The following CUBN variants were observed in gnomAD, a reference collection of about 807,000 sequenced individuals.
CUBN encodes the protein 460 kDa receptor.
A neutral mutation model predicts 405.3 loss-of-function variants in CUBN; 282 were observed. The observed-to-expected ratio is 0.70, with a 90% CI of 0.63 to 0.77. The LOEUF is 0.77. CUBN is among the 30% of genes least tolerant of loss of function. The pLI is 0.00. For missense variants in CUBN, 4,514 were observed against 4,475.2 expected, an observed-to-expected ratio of 1.01 and a Z score of -0.25; for synonymous variants, 1,684 against 1,617.0, an observed-to-expected ratio of 1.04 and a Z score of -0.99.
intron 10 of CUBN, among the ~76,000 whole-genome samples, chr10:17,108,328 C>T (rs1027213988): frequency 6.6e-6 from 1 of 152,040 alleles, no homozygotes; most frequent in African/African-American, 2.4e-5. Context: ...AATCATGCTC[C>T]TAACCACTTT....
chr10:16,844,857 T>A (rs538670885), intron 60 of CUBN, among the ~76,000 whole-genome samples: 2 of 152,204 alleles, frequency 1.3e-5, no homozygotes, highest in East Asian at 3.9e-4. Flanking sequence ...GAATCATATA[T>A]AAACTGGGAT....
intron 28 of CUBN, among the ~76,000 whole-genome samples, chr10:17,018,290 G>C (rs1197119494): frequency 2.0e-5 from 3 of 152,142 alleles, no homozygotes; most frequent in Non-Finnish European, 2.9e-5. Flanking sequence ...GTCCCATCTG[G>C]GTCACCAAAA....
intron 27 of CUBN, among the ~76,000 whole-genome samples, chr10:17,038,613 G>A (rs1834948646): frequency 6.6e-6 from 1 of 152,166 alleles, no homozygotes; most frequent in Admixed American, 6.5e-5. Flanking sequence ...CAGGCATCCA[G>A]TTGGGATTTG....
At position 16,918,763 on chromosome 10, in the gene CUBN, C is replaced by T. The variant is rs1344241063; in HGVS notation, c.6859G>A (p.Asp2287Asn). The T allele has an allele frequency of 6.2e-7, 1 of 1,613,730 alleles. No individual in the cohort carries two copies. The highest frequency in any genetic ancestry group is 1.3e-5 in the African/African-American group (1 of 74,878). ...SNYLELRDGVDSDAPILSKFC... is the reference protein window; with the variant it reads ...SNYLELRDGVNSDAPILSKFC... Reference sequence around the variant, plus strand: ...TTGGAAAGTATTGGTGCATCCGAATCCACTCCATCCCGCAACTCAAGGTAG... The same window carrying T: ...TTGGAAAGTATTGGTGCATCCGAATTCACTCCATCCCGCAACTCAAGGTAG... The change falls in exon 45 of 67, where the codon GAT becomes AAT. Residue 2287 changes from aspartate (D) to asparagine (N), a missense_variant. By Grantham distance (23) the Asp-to-Asn change is conservative (BLOSUM62 1). Transcript: ENST00000377833.
At chr10:16,909,872 G>C (rs536294218) in intron 48 of CUBN, among the ~76,000 whole-genome samples, 10 of 152,328 alleles carry the variant, frequency 6.6e-5, no homozygotes, top group African/African-American at 2.4e-4. Context: ...AGGACACACT[G>C]GGTGGCATAG....
intron 43 of CUBN, among the ~76,000 whole-genome samples, chr10:16,920,855 C>G (rs1470931340): frequency 1.3e-5 from 2 of 152,208 alleles, no homozygotes; most frequent in African/African-American, 4.8e-5. Flanking sequence ...CATACTTGAT[C>G]TGCTCAACTC....
intron 56 of CUBN, among the ~76,000 whole-genome samples, chr10:16,886,672 C>A (rs1840826371): frequency 6.6e-6 from 1 of 152,146 alleles, no homozygotes; most frequent in Admixed American, 6.5e-5. Context: ...ACACAGAGGG[C>A]ACTTGTGGCC....
chr10:17,016,254 T>C (rs2131774759), intron 28 of CUBN, among the ~76,000 whole-genome samples: 1 of 152,218 alleles, frequency 6.6e-6, no homozygotes, highest in African/African-American at 2.4e-5. Flanking sequence ...CTAATTCTCC[T>C]TAGTCCTTCT....
At position 16,940,057 on chromosome 10, in the gene CUBN, C is replaced by T. The variant is rs767515084; in HGVS notation, c.5523G>A (p.Thr1841=). The stretch of plus-strand genomic sequence containing the variant: ...TCTTCATAAATGTGGCCTGGAAGCC[C>T]GTGCCGCTGCCAGAACCATCTGAGA... ...RFISDGSGSG[T]GFQATFMKIF... Residue 1841 remains threonine (T), a synonymous_variant, in exon 37 of 67, where the codon ACG becomes ACA. Transcript: ENST00000377833. 1.5e-5 allele frequency: 24 copies of T among 1,613,928 alleles called. No homozygotes were observed. The East Asian group carries it at 2.2e-4, about 15-fold the overall frequency.
In CUBN at chr10:17,008,826, G is replaced by A. The variant is rs566900558; in HGVS notation, c.4168+11007C>T. 9.9e-5 allele frequency among the ~76,000 whole-genome samples: 15 copies of A among 152,256 alleles called. 1 individual carries two copies. The South Asian group carries it at 3.1e-3, about 32-fold the overall frequency. On this transcript the variant is annotated intron_variant, in intron 28 of 66. Coordinates refer to ENST00000377833, the MANE Select transcript of CUBN (RefSeq NM_001081.4). ...TTCTCCCACCTAGCCTAGCTCTGTA[G>A]AGTAGAAACCAGGCCTGCTGGTCTG...
chr10:17,048,772 A>AAAT (rs1256712045), intron 22 of CUBN, among the ~76,000 whole-genome samples: 17 of 152,062 alleles, frequency 1.1e-4, no homozygotes, highest in South Asian at 4.2e-4. Flanking sequence ...TTGTGAGTCA[A>AAAT]AATAATAATA....
chr10:17,042,477 G>A (rs1405041568), intron 26 of CUBN, among the ~76,000 whole-genome samples: 6 of 151,890 alleles, frequency 4.0e-5, no homozygotes, highest in Non-Finnish European at 8.8e-5. Flanking sequence ...TGCCTCTTAT[G>A]TGCACTCATT....
chr10:16,990,595 G>A, intron 28 of CUBN, 80 bp from the exon 29 acceptor site: 2 of 1,271,316 alleles, frequency 1.6e-6, no homozygotes, highest in Non-Finnish European at 2.3e-6. Flanking sequence ...CTCACCGAAA[G>A]GCCATCAAAA....
intron 31 of CUBN, among the ~76,000 whole-genome samples, chr10:16,974,539 C>T (rs11254309): frequency 0.46 from 70,010 of 151,438 alleles, 16,493 homozygotes; most frequent in Non-Finnish European, 0.5. Context: ...TGCCTGGCTG[C>T]TTTTTATATT....
At chr10:16,999,267 G>T (rs146060723) in intron 28 of CUBN, among the ~76,000 whole-genome samples, 1 of 152,278 alleles carries the variant, frequency 6.6e-6, no homozygotes, top group East Asian at 1.9e-4. Context: ...CATCATCAAA[G>T]AGAAAGAAAT....
chr10:17,028,388 C>T lies in CUBN; in HGVS notation c.4018-8405G>A, dbSNP rs146943068. Among the ~76,000 whole-genome samples the T allele has an allele frequency of 5.6e-3, 858 of 151,972 alleles. 7 individuals carry two copies. The highest frequency in any genetic ancestry group is 0.019 in the African/African-American group (808 of 41,442). On this transcript the variant is annotated intron_variant, in intron 27 of 66. Transcript: ENST00000377833. ...AAGCCAGAGGACTGCCATCCGGGCT[C>T]TCCCTGAAGACAGTGAGATCAGGAA...
chr10:17,102,582 T>C (rs1836519227), intron 13 of CUBN, among the ~76,000 whole-genome samples: 1 of 144,240 alleles, frequency 6.9e-6, no homozygotes, highest in Non-Finnish European at 1.5e-5. Flanking sequence ...CCACCAGGCC[T>C]GGCCTTGTTA....
intron 59 of CUBN, among the ~76,000 whole-genome samples, chr10:16,856,075 G>A (rs370534370): frequency 2.0e-5 from 3 of 152,214 alleles, no homozygotes; most frequent in East Asian, 3.9e-4. Context: ...AAACAAGGGC[G>A]ACCTCTGTGA....
intron 11 of CUBN, 61 bp from the exon 12 acceptor site, chr10:17,104,666 A>C (rs1836579029): frequency 1.8e-6 from 2 of 1,132,332 alleles, no homozygotes; most frequent in Non-Finnish European, 2.6e-6. Context: ...AACTTTAATC[A>C]ACCCAAATAA....
Sources: allele counts gnomAD v4.1 joint callset (sites outside exome capture counted in the v4.1 genomes callset), GRCh38; gene constraint gnomAD v4.1.1; transcripts MANE v1.5; gene names NCBI Gene and HGNC (gene_info 2026-07-23, HGNC 2026-07-21).